Variants in C6orf89 observed in about 807,000 individuals in gnomAD.
The protein encoded by C6orf89 is chromosome 6 open reading frame 89.
Under a neutral mutation model 40.7 loss-of-function variants are expected in C6orf89, and 29 were observed. The ratio of observed to expected loss-of-function variants is 0.71; its 90% CI spans 0.53 to 0.97. The LOEUF is 0.97. Ranked by LOEUF, C6orf89 falls within the 50% of genes least tolerant of loss-of-function variation. The pLI is 0.00. For missense variants in C6orf89, 392 were observed against 429.1 expected (o/e 0.91, Z 0.76); for synonymous variants, 165 against 152.2 (o/e 1.08, Z -0.62).
intron 4 of C6orf89, among the ~76,000 whole-genome samples, chr6:36,908,227 T>G (rs1282582010): frequency 6.6e-6 from 1 of 152,188 alleles, no homozygotes; most frequent in Non-Finnish European, 1.5e-5. Context: ...CCCATTCCAG[T>G]GATCCTTTTT....
intron 1 of C6orf89, among the ~76,000 whole-genome samples, chr6:36,872,491 A>G (rs1383801883): frequency 6.6e-6 from 1 of 152,202 alleles, no homozygotes; most frequent in Admixed American, 6.5e-5. Flanking sequence ...CACCTACCCA[A>G]TAGGATGAGT....
chr6:36,891,463 A>T (rs921904989), intron 1 of C6orf89, among the ~76,000 whole-genome samples: 4 of 152,202 alleles, frequency 2.6e-5, no homozygotes, highest in African/African-American at 9.7e-5. Flanking sequence ...ATATGTGTGC[A>T]TGTGTCTTTA....
chr6:36,894,656 C>T, intron 2 of C6orf89, 53 bp downstream of exon 2: 1 of 651,904 alleles, frequency 1.5e-6, no homozygotes. Flanking sequence ...GGGTTCACAT[C>T]CTGGCAAGTT....
intron 4 of C6orf89, among the ~76,000 whole-genome samples, chr6:36,909,789 A>G (rs1762060020): frequency 6.6e-6 from 1 of 152,044 alleles, no homozygotes; most frequent in Admixed American, 6.6e-5. Context: ...TCTCAAAAAA[A>G]AAAAAAAAAA....
intron 4 of C6orf89, among the ~76,000 whole-genome samples, chr6:36,904,844 C>T (rs567815602): frequency 6.6e-6 from 1 of 152,048 alleles, no homozygotes; most frequent in African/African-American, 2.4e-5. Context: ...AGTGGCACCT[C>T]GGGAATGATG....
At chr6:36,872,207 T>A (rs1389264677) in intron 1 of C6orf89, among the ~76,000 whole-genome samples, 1 of 151,686 alleles carries the variant, frequency 6.6e-6, no homozygotes, top group Non-Finnish European at 1.5e-5. Flanking sequence ...AACCCCTAAA[T>A]TAGGAAAAAA....
chr6:36,893,082 C>T (rs544125642), intron 1 of C6orf89, among the ~76,000 whole-genome samples: 6 of 151,618 alleles, frequency 4.0e-5, no homozygotes, highest in Non-Finnish European at 8.8e-5. Flanking sequence ...TTACAGGCCT[C>T]CGCCACCGCG....
chr6:36,884,133 G>T (rs1479696227), upstream of C6orf89, among the ~76,000 whole-genome samples: 1 of 152,142 alleles, frequency 6.6e-6, no homozygotes, highest in Non-Finnish European at 1.5e-5. The surrounding 1 kb of genome is among the most constrained non-coding windows in gnomAD (Gnocchi z 4.0). Context: ...GTGGTGGCAG[G>T]TGCCTGTAAT....
rs1229975588 is a variant in C6orf89 at position 36,901,561 on chromosome 6, C to T, written c.190-660C>T. Among the ~76,000 whole-genome samples the T allele has an allele frequency of 3.6e-4, 50 of 138,838 alleles. 1 individual carries two copies. Among genetic ancestry groups the T allele is most frequent in the Admixed American group, 2.4e-3 (32 of 13,400 alleles). 91.1% of individuals were successfully genotyped at this position (138,838 alleles called of 152,430 possible). On this transcript the variant is annotated intron_variant, in intron 3 of 8. Coordinates refer to ENST00000480824, the MANE Select transcript of C6orf89 (RefSeq NM_001286635.2). The stretch of plus-strand genomic sequence containing the variant: ...GTGTTGGCCAGGATGGTCTCGATCT[C>T]CTGACCTCGTGATCCACCTGCCTCG...
chr6:36,903,962 A>G (rs552103782), intron 4 of C6orf89, among the ~76,000 whole-genome samples: 7 of 152,240 alleles, frequency 4.6e-5, no homozygotes. Flanking sequence ...AGAGCTAAAA[A>G]AAAAAAAATG....
chr6:36,892,805 T>G (rs1583156424), intron 1 of C6orf89: 1 of 152,254 alleles, frequency 6.6e-6, no homozygotes, highest in African/African-American at 2.4e-5. Context: ...TCTTCAGAAC[T>G]TCCCCCTGTA....
intron 1 of C6orf89, among the ~76,000 whole-genome samples, chr6:36,877,340 G>GT (rs764214029): frequency 1.9e-3 from 280 of 150,506 alleles, no homozygotes; most frequent in African/African-American, 4.1e-3. Flanking sequence ...GCAATTTTTT[G>GT]TTTTTTTTTG....
intron 4 of C6orf89, among the ~76,000 whole-genome samples, chr6:36,904,791 G>T (rs899660768): frequency 9.2e-5 from 14 of 152,152 alleles, no homozygotes; most frequent in African/African-American, 3.4e-4. Context: ...TTCCTGAAGT[G>T]CTGGCCTGTC....
chr6:36,893,200 C>A (rs1239625821), intron 1 of C6orf89, among the ~76,000 whole-genome samples: 1 of 151,974 alleles, frequency 6.6e-6, no homozygotes, highest in Non-Finnish European at 1.5e-5. Flanking sequence ...TCCCAAAGTG[C>A]TGGGATTACA....
chr6:36,898,283 CT>C (rs1199985589), intron 2 of C6orf89, among the ~76,000 whole-genome samples: 48 of 93,826 alleles, frequency 5.1e-4, no homozygotes, highest in Middle Eastern at 5.3e-3. Flanking sequence ...CTTTTCTTTT[CT>C]TTTTTTTTTT....
intron 1 of C6orf89, chr6:36,892,775 A>G (rs1048123770): frequency 2.0e-5 from 3 of 152,180 alleles, no homozygotes; most frequent in African/African-American, 7.2e-5. Context: ...GGTCTATGCC[A>G]CTGTTAGAAT....
At position 36,875,232 on chromosome 6, in the gene C6orf89, T is replaced by G. The variant is rs1008342840; in HGVS notation, c.-628+3265T>G. On this transcript the variant is annotated intron_variant, in intron 1 of 9. Transcript: ENST00000359359. Reference sequence around the variant, plus strand: ...AGAATTTTTGTAAGGCGCTGTACGATGTACACAGTGCTTGCACTTTCTTAT... The same window carrying G: ...AGAATTTTTGTAAGGCGCTGTACGAGGTACACAGTGCTTGCACTTTCTTAT... Among the ~76,000 whole-genome samples, 31 of 152,234 alleles carry G rather than the reference T, an allele frequency of 2.0e-4. 1 individual carries two copies. Among genetic ancestry groups the G allele is most frequent in the Admixed American group, 2.0e-3 (31 of 15,282 alleles).
chr6:36,900,225 G>A (rs1405578445), intron 3 of C6orf89, among the ~76,000 whole-genome samples: 1 of 148,438 alleles, frequency 6.7e-6, no homozygotes, highest in African/African-American at 2.5e-5. Context: ...TTTTTGAGAT[G>A]GAGTCACACT....
At position 36,917,678 on chromosome 6, in the gene C6orf89, G is replaced by A. The variant is rs1359505686; in HGVS notation, c.825+1104G>A. 2.6e-5 allele frequency among the ~76,000 whole-genome samples: 4 copies of A among 151,910 alleles called. No homozygotes were observed. The East Asian group carries it at 5.8e-4, about 22-fold the overall frequency. On this transcript the variant is annotated intron_variant, in intron 7 of 8. Coordinates refer to ENST00000480824, the MANE Select transcript of C6orf89 (RefSeq NM_001286635.2). ...ATTTTGTCTAGAAGTAAGAAGTTCTGTCTGCCAGCACTGGGGTGGAGATGC... is the reference window on the plus strand; with the variant it reads ...ATTTTGTCTAGAAGTAAGAAGTTCTATCTGCCAGCACTGGGGTGGAGATGC...
Sources: gnomAD v4.1 joint callset for allele counts (sites outside exome capture counted in the v4.1 genomes callset) on GRCh38, gnomAD v4.1.1 for gene constraint, Gnocchi (gnomAD v3.1) non-coding constraint, MANE v1.5 for transcripts, NCBI Gene and HGNC (gene_info 2026-07-23, HGNC 2026-07-21) for gene names.